MACROD2: variants seen among roughly 807,000 people sequenced by gnomAD.
MACROD2 encodes the protein ADP-ribose glycohydrolase MACROD2.
Under a neutral mutation model 70.4 loss-of-function variants are expected in MACROD2, and 36 were observed. That is an observed-to-expected ratio of 0.51 (90% confidence interval 0.39 to 0.68). The LOEUF is 0.68. Among genes scored for constraint, MACROD2 ranks in the 30% least tolerant of loss-of-function variants. The pLI, the probability that MACROD2 is intolerant of heterozygous loss-of-function variation, is 0.00. For synonymous variants in MACROD2, 172 were observed against 178.8 expected (o/e 0.96, Z 0.30); for missense variants, 496 against 538.4 (o/e 0.92, Z 0.78).
At chr20:15,033,430 A>C (rs750538521) in intron 5 of MACROD2, among the ~76,000 whole-genome samples, 2 of 152,208 alleles carry the variant, frequency 1.3e-5, no homozygotes, top group South Asian at 4.1e-4. Flanking sequence ...AGGAAGGAAG[A>C]CTTGATAAAA....
At chr20:15,128,786 TC>T (rs1329310248) in intron 5 of MACROD2, among the ~76,000 whole-genome samples, 1 of 152,024 alleles carries the variant, frequency 6.6e-6, no homozygotes, top group Non-Finnish European at 1.5e-5. Flanking sequence ...TCATGTGTAG[TC>T]CTTTAAACTG....
intron 5 of MACROD2, among the ~76,000 whole-genome samples, chr20:14,768,933 G>T (rs1445629930): frequency 6.6e-6 from 1 of 152,080 alleles, no homozygotes; most frequent in Non-Finnish European, 1.5e-5. Context: ...AAGTAAGGAG[G>T]TTTTGAAACT....
intron 5 of MACROD2, among the ~76,000 whole-genome samples, chr20:14,751,988 C>T (rs1321634728): frequency 2.0e-5 from 3 of 151,890 alleles, no homozygotes; most frequent in Middle Eastern, 3.4e-3. Flanking sequence ...CATAATGAAA[C>T]ATTGTCTTGA....
intron 9 of MACROD2, among the ~76,000 whole-genome samples, chr20:15,883,688 A>G (rs1022969936): frequency 6.6e-6 from 1 of 152,114 alleles, no homozygotes; most frequent in Admixed American, 6.6e-5. Flanking sequence ...TATATAGGAG[A>G]AAGTTGTAAA....
At chr20:15,374,173 A>C (rs2045530114) in intron 6 of MACROD2, among the ~76,000 whole-genome samples, 1 of 152,030 alleles carries the variant, frequency 6.6e-6, no homozygotes, top group South Asian at 2.1e-4. Flanking sequence ...ATTTCTATAT[A>C]TATATGCACA....
chr20:15,671,284 T>C (rs2049976209), intron 8 of MACROD2, among the ~76,000 whole-genome samples: 1 of 152,232 alleles, frequency 6.6e-6, no homozygotes, highest in East Asian at 1.9e-4. Context: ...TGCAAGCTTT[T>C]ACTTTCATCA....
At position 14,266,821 on chromosome 20, in the gene MACROD2, G is replaced by T. The variant is rs2082148393; in HGVS notation, c.271+181093G>T. 2.0e-5 allele frequency among the ~76,000 whole-genome samples: 3 copies of T among 152,134 alleles called. No homozygotes were observed. In the South Asian group the frequency reaches 6.2e-4, roughly 31 times the overall value. ...TACCATAAAATAAGGTAGCTTGCTA[G>T]AAGTCAGATCATTAGTTATCAGGTC... is the stretch of plus-strand genomic sequence containing the variant. On this transcript the variant is annotated intron_variant, in intron 3 of 17. Coordinates refer to ENST00000684519, the MANE Select transcript of MACROD2 (RefSeq NM_001351661.2).
intron 3 of MACROD2, among the ~76,000 whole-genome samples, chr20:14,166,366 C>G (rs2055270590): frequency 6.6e-6 from 1 of 151,632 alleles, no homozygotes; most frequent in African/African-American, 2.4e-5. Context: ...GTTATACTTG[C>G]ATCTGTTTCT....
At chr20:15,672,071 A>T (rs2049987430) in intron 8 of MACROD2, among the ~76,000 whole-genome samples, 1 of 152,146 alleles carries the variant, frequency 6.6e-6, no homozygotes, top group South Asian at 2.1e-4. Context: ...AGGACTCACT[A>T]AGCTGCTTAA....
At chr20:15,368,737 A>G (rs2045448065) in intron 6 of MACROD2, among the ~76,000 whole-genome samples, 1 of 152,110 alleles carries the variant, frequency 6.6e-6, no homozygotes, top group Non-Finnish European at 1.5e-5. Flanking sequence ...TGCTGGGATT[A>G]CAGGCGTGAG....
chr20:15,519,474 T>C (rs1240600049), intron 8 of MACROD2, among the ~76,000 whole-genome samples: 1 of 152,188 alleles, frequency 6.6e-6, no homozygotes, highest in Non-Finnish European at 1.5e-5. Context: ...TAGTCTTGTT[T>C]GAAATACACT....
intron 8 of MACROD2, among the ~76,000 whole-genome samples, chr20:15,508,505 A>T (rs1385683409): frequency 6.6e-6 from 1 of 152,094 alleles, no homozygotes; most frequent in South Asian, 2.1e-4. Flanking sequence ...TGGCCCAAAG[A>T]TGCATTCTGT....
At chr20:14,351,137 T>G (rs2122694186) in intron 3 of MACROD2, among the ~76,000 whole-genome samples, 1 of 152,286 alleles carries the variant, frequency 6.6e-6, no homozygotes, top group African/African-American at 2.4e-5. Flanking sequence ...TACCATGCTG[T>G]TTTGGTTGTT....
At chr20:15,401,169 C>G (rs1041676280) in intron 6 of MACROD2, among the ~76,000 whole-genome samples, 1 of 152,014 alleles carries the variant, frequency 6.6e-6, no homozygotes, top group Non-Finnish European at 1.5e-5. Context: ...TCCCGAGTAG[C>G]TGGGACTACA....
intron 8 of MACROD2, among the ~76,000 whole-genome samples, chr20:15,540,048 G>T (rs1193500143): frequency 6.6e-6 from 1 of 152,226 alleles, no homozygotes; most frequent in Non-Finnish European, 1.5e-5. Flanking sequence ...GCGATAAAGT[G>T]ATGACCAACT....
intron 8 of MACROD2, among the ~76,000 whole-genome samples, chr20:15,604,348 G>T (rs564514450): frequency 6.6e-6 from 1 of 152,094 alleles, no homozygotes; most frequent in Non-Finnish European, 1.5e-5. Context: ...TACCAATTCA[G>T]TTTTTTTATT....
At chr20:15,643,432 C>T (rs560287469) in intron 8 of MACROD2, among the ~76,000 whole-genome samples, 1 of 152,188 alleles carries the variant, frequency 6.6e-6, no homozygotes, top group Non-Finnish European at 1.5e-5. Context: ...ATGTCCTCTC[C>T]TTCATTCTAC....
At chr20:14,754,541 G>A (rs150501951) in intron 5 of MACROD2, among the ~76,000 whole-genome samples, 1 of 152,194 alleles carries the variant, frequency 6.6e-6, no homozygotes, top group African/African-American at 2.4e-5. Context: ...AATATTAAAT[G>A]TCTGGTGGGC....
intron 9 of MACROD2, among the ~76,000 whole-genome samples, chr20:15,880,660 T>C (rs1002974010): frequency 1.3e-5 from 2 of 152,002 alleles, no homozygotes; most frequent in South Asian, 2.1e-4. Context: ...GGGGTACTTA[T>C]ATGCAAATTG....
Sources: allele counts gnomAD v4.1 joint callset (sites outside exome capture counted in the v4.1 genomes callset), GRCh38; gene constraint gnomAD v4.1.1; transcripts MANE v1.5; gene names NCBI Gene and HGNC (gene_info 2026-07-23, HGNC 2026-07-21).